The following SLCO1B3 variants were observed in gnomAD, a reference collection of about 807,000 sequenced individuals.
The protein encoded by SLCO1B3 is solute carrier organic anion transporter family member 1B3.
Under a neutral mutation model 71.8 loss-of-function variants are expected in SLCO1B3, and 72 were observed. The observed-to-expected ratio is 1.00, with a 90% CI of 0.83 to 1.22. The LOEUF is 1.22. SLCO1B3 is among the 50% of genes most tolerant of loss of function. The pLI, the probability that SLCO1B3 is intolerant of heterozygous loss-of-function variation, is 0.00. For missense variants in SLCO1B3, 911 were observed against 819.7 expected (o/e 1.11, Z -1.36); for synonymous variants, 298 against 278.4 (o/e 1.07, Z -0.70).
At chr12:20,875,536 T>C in intron 9 of SLCO1B3, 59 bp downstream of exon 9, 6 of 1,522,732 alleles carry the variant, frequency 3.9e-6, no homozygotes, top group Non-Finnish European at 5.3e-6. Context: ...AACGGAGAAG[T>C]GAGTAAAAAA....
intron 9 of SLCO1B3, 126 bp downstream of exon 9, chr12:20,875,603 G>A (rs1865566679): frequency 1.0e-6 from 1 of 998,030 alleles, no homozygotes; most frequent in East Asian, 2.7e-5. Flanking sequence ...AAATTTAGCT[G>A]AATTATTTTT....
chr12:20,898,470 G>C lies in SLCO1B3; in HGVS notation c.1717G>C (p.Gly573Arg). ...VQPELKALAM[G>R]FQSMVIRTLG... ...ACCTGAATTGAAAGCACTTGCAATGGGTTTCCAGTCAATGGTTATAAGAAC... is the reference window on the plus strand; with the variant it reads ...ACCTGAATTGAAAGCACTTGCAATGCGTTTCCAGTCAATGGTTATAAGAAC... Residue 573 changes from glycine (G) to arginine (R), a missense_variant, in exon 14 of 16, where the codon GGT becomes CGT. By Grantham distance (125) the Gly-to-Arg change is moderately radical. Transcript: ENST00000381545. 3 of 1,596,076 alleles carry C rather than the reference G, an allele frequency of 1.9e-6. No individual in the cohort carries two copies. Among genetic ancestry groups the C allele is most frequent in the Non-Finnish European group, 2.6e-6 (3 of 1,166,874 alleles).
chr12:20,887,510 T>C (rs1430967210), intron 13 of SLCO1B3, among the ~76,000 whole-genome samples: 2 of 152,052 alleles, frequency 1.3e-5, no homozygotes, highest in African/African-American at 4.8e-5. Flanking sequence ...GCCATTTGTA[T>C]GTCTTCTTTT....
chr12:20,892,863 A>C (rs1319084253), intron 13 of SLCO1B3, among the ~76,000 whole-genome samples: 1 of 152,158 alleles, frequency 6.6e-6, no homozygotes, highest in Non-Finnish European at 1.5e-5. Context: ...GAGATGTTTG[A>C]ATTCTTTCCT....
intron 3 of SLCO1B3, among the ~76,000 whole-genome samples, chr12:20,831,545 G>A (rs1216275227): frequency 6.6e-6 from 1 of 152,098 alleles, no homozygotes; most frequent in Non-Finnish European, 1.5e-5. Flanking sequence ...GTAAAGACTT[G>A]TGTGTCTGCA....
intron 8 of SLCO1B3, among the ~76,000 whole-genome samples, chr12:20,871,928 T>G (rs73233620): frequency 0.082 from 12,450 of 152,182 alleles, 955 homozygotes; most frequent in African/African-American, 0.19. Flanking sequence ...CAATCAGTAG[T>G]TGGCCAAGCC....
rs770673596 is a variant in SLCO1B3 at position 20,877,882 on chromosome 12, AAAT to A, written c.1083_1085del (p.Lys361_Tyr362delinsAsn). On this transcript the variant is annotated inframe_deletion, in exon 10 of 16. Coordinates refer to ENST00000381545, the MANE Select transcript of SLCO1B3 (RefSeq NM_019844.4). ...TATTGGTTCTTTTACTTACGTCTTT[AAAT>A]ATATGGAGCAACAGTACGGTCAGTC... 47 of 1,590,812 alleles carry A rather than the reference AAAT, an allele frequency of 3.0e-5. No individual in the cohort carries two copies. The highest frequency in any genetic ancestry group is 4.0e-5 in the Non-Finnish European group (47 of 1,170,968).
intron 8 of SLCO1B3, among the ~76,000 whole-genome samples, chr12:20,866,057 T>TTC (rs1309832221): frequency 6.6e-6 from 1 of 152,084 alleles, no homozygotes; most frequent in Non-Finnish European, 1.5e-5. Context: ...AAGTGAACCC[T>TTC]TGTGTTTTCT....
chr12:20,855,051 C>G lies in SLCO1B3; in HGVS notation c.108C>G (p.Phe36Leu), dbSNP rs79042365. 1.1e-3 allele frequency: 1,721 copies of G among 1,611,122 alleles called. 19 individuals carry two copies. The African/African-American group carries it at 0.021, about 19-fold the overall frequency. The change falls in exon 4 of 16, where the codon TTC becomes TTG. Residue 36 changes from phenylalanine to leucine, a missense_variant. Coordinates refer to ENST00000381545, the MANE Select transcript of SLCO1B3 (RefSeq NM_019844.4). ...AGATGTTCTTGGCAGCCCTGTCATT[C>G]AGCTATATTGCTAAAGCACTAGGTG... ...GFKMFLAALS[F>L]SYIAKALGGI...
intron 3 of SLCO1B3, among the ~76,000 whole-genome samples, chr12:20,850,258 T>A (rs1481991264): frequency 1.7e-5 from 2 of 119,210 alleles, no homozygotes; most frequent in African/African-American, 4.4e-5. Flanking sequence ...TATTATTATT[T>A]TATTTATTTA....
intron 13 of SLCO1B3, among the ~76,000 whole-genome samples, chr12:20,893,593 A>C (rs1865945696): frequency 6.6e-6 from 1 of 152,190 alleles, no homozygotes; most frequent in African/African-American, 2.4e-5. Context: ...AGAGAGTTAC[A>C]TGGAGTGTCA....
chr12:20,842,187 C>T (rs1864817394), intron 3 of SLCO1B3, among the ~76,000 whole-genome samples: 1 of 152,058 alleles, frequency 6.6e-6, no homozygotes, highest in Non-Finnish European at 1.5e-5. Context: ...AGCCACCATG[C>T]CCAACCAGAT....
chr12:20,855,320 A>T, intron 4 of SLCO1B3, 151 bp downstream of exon 4: 1 of 693,098 alleles, frequency 1.4e-6, no homozygotes, highest in Admixed American at 2.9e-5. Flanking sequence ...TTGTTGCTAT[A>T]AATGGGCTGG....
At chr12:20,856,178 A>G (rs1388590154) in intron 4 of SLCO1B3, among the ~76,000 whole-genome samples, 1 of 152,186 alleles carries the variant, frequency 6.6e-6, no homozygotes, top group African/African-American at 2.4e-5. Context: ...TTTTATTATG[A>G]AATTAATCCT....
At position 20,897,227 on chromosome 12, in the gene SLCO1B3, GTC is replaced by G. The variant is rs1197672535; in HGVS notation, c.1683-1204_1683-1203del. 5.3e-5 allele frequency among the ~76,000 whole-genome samples: 8 copies of G among 152,296 alleles called. 1 individual carries two copies. In the Middle Eastern group the frequency reaches 0.01, roughly 194 times the overall value. Reference sequence around the variant, plus strand: ...GGCCAAAACACACTTTCTGTTTATTGTCTCTCCTAATAGATAACTATTTTAGA... The same window carrying G: ...GGCCAAAACACACTTTCTGTTTATTGTCTCCTAATAGATAACTATTTTAGA... On this transcript the variant is annotated intron_variant, in intron 13 of 15. Transcript: ENST00000381545.
rs1161669905 is a variant in SLCO1B3 at position 20,916,346 on chromosome 12, T to A, written c.*99T>A. 8.1e-6 allele frequency: 9 copies of A among 1,111,972 alleles called. No homozygotes were observed. In the East Asian group the frequency reaches 2.1e-4, roughly 26 times the overall value. 68.9% of individuals were successfully genotyped at this position (1,111,972 alleles called of 1,614,324 possible). A position where few individuals can be genotyped will look rare whatever the true frequency, so the allele number is the denominator to read the frequency against. On this transcript the variant is annotated 3_prime_UTR_variant, in exon 16 of 16. Transcript: ENST00000381545. Reference sequence around the variant, plus strand: ...CTTACAGTGGACCAATGGATAAGTCTATGCATCTATAATAAACTATAAAAA... The same window carrying A: ...CTTACAGTGGACCAATGGATAAGTCAATGCATCTATAATAAACTATAAAAA...
At chr12:20,845,175 T>G (rs17674290) in intron 3 of SLCO1B3, 55,723 of 466,146 alleles carry the variant, frequency 0.12, 3,805 homozygotes, top group Middle Eastern at 0.23. Flanking sequence ...TGACCCTATG[T>G]ACAAGGTAGC....
intron 15 of SLCO1B3, among the ~76,000 whole-genome samples, chr12:20,905,697 A>G (rs1439777079): frequency 6.6e-6 from 1 of 152,184 alleles, no homozygotes. Context: ...TCTCCATCTG[A>G]GACAATCCTG....
rs3764008 is a variant in SLCO1B3, at chr12:20,861,205, C to G, written c.481+67C>G. 0.83 allele frequency: 1,159,182 copies of G among 1,399,692 alleles called. 487,008 individuals are homozygous for G. Among genetic ancestry groups the G allele is most frequent in the South Asian group, 0.91 (62,836 of 69,290 alleles). The allele number at this position is 1,399,692 out of a possible 1,614,324, so 86.7% of individuals were successfully genotyped here. ...AGATTTAATCACGTCTATAAAGTTT[C>G]TGATATTCTTTAACAAAATTGATTT... On this transcript the variant is annotated intron_variant, in intron 6 of 15. Transcript: ENST00000381545.
Sources: gnomAD v4.1 joint callset for allele counts (sites outside exome capture counted in the v4.1 genomes callset) on GRCh38, gnomAD v4.1.1 for gene constraint, MANE v1.5 for transcripts, NCBI Gene and HGNC (gene_info 2026-07-23, HGNC 2026-07-21) for gene names.